SASH1: variants seen among roughly 807,000 people sequenced by gnomAD.
The protein encoded by SASH1 is SAM and SH3 domain containing 1, also known as SAM and SH3 domain-containing protein 1.
Under a neutral mutation model 125.2 loss-of-function variants are expected in SASH1, and 44 were observed. The ratio of observed to expected loss-of-function variants is 0.35; its 90% CI spans 0.28 to 0.45. SASH1 has a LOEUF of 0.45. Among genes scored for constraint, SASH1 ranks in the 20% least tolerant of loss-of-function variants. The probability of loss-of-function intolerance (pLI) is 1.00; values close to 1 mark genes in which losing one functional copy is unlikely to be tolerated. For missense variants in SASH1, 1,426 were observed against 1,614.5 expected (o/e 0.88, Z 2.00); for synonymous variants, 639 against 649.1 (o/e 0.98, Z 0.24).
intron 1 of SASH1, among the ~76,000 whole-genome samples, chr6:148,290,469 G>A (rs1779600274): frequency 6.6e-6 from 1 of 151,880 alleles, no homozygotes. Flanking sequence ...AGCCGGGCGT[G>A]GTGGCAGGCG....
the SASH1 span, among the ~76,000 whole-genome samples, chr6:148,225,461 G>A: frequency 6.6e-6 from 1 of 152,124 alleles, no homozygotes; most frequent in South Asian, 2.1e-4. Flanking sequence ...TCTAAGTAAA[G>A]TAACTCAGGA....
chr6:148,514,309 T>C lies in SASH1; in HGVS notation c.730-15T>C, dbSNP rs1295256067. The C allele has an allele frequency of 6.9e-6, 11 of 1,595,614 alleles. No individual in the cohort carries two copies. The highest frequency in any genetic ancestry group is 9.4e-6 in the Non-Finnish European group (11 of 1,175,408). On this transcript the variant is annotated splice_polypyrimidine_tract_variant and intron_variant, in intron 8 of 19. Coordinates refer to ENST00000367467, the MANE Select transcript of SASH1 (RefSeq NM_015278.5). Reference sequence around the variant, plus strand: ...GCAATTACCTGATTAACTTTTTCCTTTGTTTCTTTGCCAGTCAAGAGAACA... The same window carrying C: ...GCAATTACCTGATTAACTTTTTCCTCTGTTTCTTTGCCAGTCAAGAGAACA...
Position 148,544,212 on chromosome 6 carries a change from A to C in SASH1, c.2742A>C (p.Ser914=), listed in dbSNP as rs776337480. 1 of 1,614,060 alleles carries C rather than the reference A, an allele frequency of 6.2e-7. No homozygotes were observed. Among genetic ancestry groups the C allele is most frequent in the African/African-American group, 1.3e-5 (1 of 74,936 alleles). ...TGACAACTAAGAAACTGGAGGGCTC[A>C]ATCGCAGCCTCTGGTCGCGGCCTGT... ...QKLTTKKLEG[S]IAASGRGLSP... is the part of the protein sequence containing the mutation. Residue 914 remains serine, a synonymous_variant, in exon 18 of 20, where the codon TCA becomes TCC. Transcript: ENST00000367467. The surrounding 1 kb of genome is among the most constrained non-coding windows in gnomAD (Gnocchi z 6.4).
intron 2 of SASH1, 74 bp downstream of exon 2, chr6:148,390,336 C>G: frequency 7.0e-7 from 1 of 1,428,932 alleles, no homozygotes. Flanking sequence ...GGTCTTTATC[C>G]CAGTGCTAGC....
intron 4 of SASH1, among the ~76,000 whole-genome samples, chr6:148,451,035 T>C (rs1039972311): frequency 6.6e-6 from 1 of 152,224 alleles, no homozygotes. Flanking sequence ...TGGCCCACAT[T>C]CATGCCTTTG....
intron 1 of SASH1, among the ~76,000 whole-genome samples, chr6:148,325,290 T>TG (rs201457183): frequency 6.6e-6 from 1 of 151,596 alleles, no homozygotes; most frequent in Non-Finnish European, 1.5e-5. Context: ...TTGTTGTTGT[T>TG]TTTGAGACAG....
intron 8 of SASH1, chr6:148,508,782 G>T (rs1478489112): frequency 1.6e-6 from 2 of 1,230,992 alleles, no homozygotes; most frequent in African/African-American, 3.3e-5. Flanking sequence ...GGAGTTTGAT[G>T]CTACAAGAGT....
chr6:148,444,470 A>G (rs1776692352), intron 4 of SASH1, among the ~76,000 whole-genome samples: 1 of 152,144 alleles, frequency 6.6e-6, no homozygotes. Context: ...ACCTGCATAT[A>G]CAAGAGGTGG....
At chr6:148,383,301 G>A (rs1156535386) in intron 1 of SASH1, among the ~76,000 whole-genome samples, 1 of 152,176 alleles carries the variant, frequency 6.6e-6, no homozygotes, top group African/African-American at 2.4e-5. Context: ...TTGTACCATA[G>A]TGATTTCTTT....
Position 148,525,277 on chromosome 6 carries a change from C to T in SASH1, c.1210-14C>T, listed in dbSNP as rs200664414. 464 of 1,612,542 alleles carry T rather than the reference C, an allele frequency of 2.9e-4. No individual in the cohort carries two copies. The highest frequency in any genetic ancestry group is 3.3e-4 in the Middle Eastern group (2 of 6,060). On this transcript the variant is annotated splice_polypyrimidine_tract_variant and intron_variant, in intron 10 of 19. Transcript: ENST00000367467. ...CATAACTGAAGTTTTTCTGCCCTAC[C>T]CTCTTTTCCACAGAGAACCTGCAGT...
chr6:148,482,986 G>C (rs1169350186), intron 7 of SASH1, among the ~76,000 whole-genome samples: 3 of 152,170 alleles, frequency 2.0e-5, no homozygotes, highest in Admixed American at 6.5e-5. Context: ...ACCGTGCCTG[G>C]TTCAAACTTT....
intron 2 of SASH1, among the ~76,000 whole-genome samples, chr6:148,408,362 T>A (rs1784466108): frequency 6.6e-6 from 1 of 152,052 alleles, no homozygotes; most frequent in South Asian, 2.1e-4. Context: ...CGCCTCAGCC[T>A]CCCAGAGTGC....
intron 1 of SASH1, among the ~76,000 whole-genome samples, chr6:148,345,963 G>A (rs145940568): frequency 8.1e-4 from 124 of 152,266 alleles, no homozygotes; most frequent in African/African-American, 2.1e-3. Flanking sequence ...TTCTTTTTCC[G>A]TACTGAACTT....
chr6:148,447,373 C>CT (rs1776844717), intron 4 of SASH1, among the ~76,000 whole-genome samples: 1 of 152,206 alleles, frequency 6.6e-6, no homozygotes, highest in African/African-American at 2.4e-5. Flanking sequence ...TCTGCGGACA[C>CT]TTACTCTCCT....
At chr6:148,371,283 C>CTT (rs991334753) in intron 1 of SASH1, among the ~76,000 whole-genome samples, 1 of 145,190 alleles carries the variant, frequency 6.9e-6, no homozygotes, top group African/African-American at 2.5e-5. Context: ...GTTGGCTATT[C>CTT]TTTTTTTTTT....
intron 7 of SASH1, among the ~76,000 whole-genome samples, chr6:148,482,141 G>T (rs1778653522): frequency 1.3e-5 from 2 of 152,128 alleles, no homozygotes; most frequent in Admixed American, 6.5e-5. Flanking sequence ...TAAGAGGGAA[G>T]GGAATACACT....
Position 148,527,539 on chromosome 6 carries a change from G to A in SASH1, c.1371G>A (p.Val457=), listed in dbSNP as rs200753984. The part of the protein sequence containing the change: ...RISLGKKVKS[V]KETMRKRMSK... ...CTCTTGGGAAAAAGGTGAAATCAGT[G>A]AAAGAGACGATGAGAAAGAGAATGT... The change falls in exon 12 of 20, where the codon GTG becomes GTA. Residue 457 remains valine, a synonymous_variant. Coordinates refer to ENST00000367467, the MANE Select transcript of SASH1 (RefSeq NM_015278.5). The A allele has an allele frequency of 8.1e-6, 13 of 1,610,482 alleles. No homozygotes were observed. The highest frequency in any genetic ancestry group is 1.1e-5 in the Non-Finnish European group (13 of 1,178,978).
chr6:148,343,798 C>T (rs1459800300), intron 1 of SASH1, among the ~76,000 whole-genome samples: 1 of 152,150 alleles, frequency 6.6e-6, no homozygotes, highest in Non-Finnish European at 1.5e-5. Flanking sequence ...TGACTAAAAG[C>T]GCCCCTGGAT....
intron 4 of SASH1, among the ~76,000 whole-genome samples, chr6:148,459,604 G>A (rs980759651): frequency 3.3e-5 from 5 of 152,138 alleles, no homozygotes; most frequent in Admixed American, 6.5e-5. Context: ...GGCCATTCCC[G>A]AGGTGCCAGA....
Sources: gnomAD v4.1 joint callset for allele counts (sites outside exome capture counted in the v4.1 genomes callset) on GRCh38, gnomAD v4.1.1 for gene constraint, Gnocchi (gnomAD v3.1) non-coding constraint, MANE v1.5 for transcripts, NCBI Gene and HGNC (gene_info 2026-07-23, HGNC 2026-07-21) for gene names.